The following NLRP2 variants were observed in gnomAD, a reference collection of about 807,000 sequenced individuals.
The protein encoded by NLRP2 is NLR family pyrin domain containing 2.
In NLRP2, 107 loss-of-function variants were observed where a neutral mutation model predicts 97.2. The ratio of observed to expected loss-of-function variants is 1.10; its 90% confidence interval spans 0.94 to 1.29. NLRP2 has a LOEUF of 1.29. NLRP2 is among the 50% of genes most tolerant of loss of function. The pLI, the probability that NLRP2 is intolerant of heterozygous loss-of-function variation, is 0.00. For missense variants in NLRP2, 1,495 were observed against 1,330.3 expected, an observed-to-expected ratio of 1.12 and a Z score of -1.93; for synonymous variants, 663 against 551.5, an observed-to-expected ratio of 1.20 and a Z score of -2.83.
intron 1 of NLRP2, among the ~76,000 whole-genome samples, chr19:54,968,089 C>T (rs111243127): frequency 2.8e-3 from 426 of 151,886 alleles, no homozygotes; most frequent in African/African-American, 9.8e-3. Flanking sequence ...GGCTAATTTT[C>T]GTATTTTTAG....
intron 12 of NLRP2, among the ~76,000 whole-genome samples, chr19:54,999,543 C>T (rs1439669982): frequency 6.6e-6 from 1 of 152,074 alleles, no homozygotes; most frequent in Non-Finnish European, 1.5e-5. Context: ...AGCTATAGCC[C>T]AGCTGTACTC....
intron 6 of NLRP2, among the ~76,000 whole-genome samples, chr19:54,984,329 G>GGT (rs1329961462): frequency 1.2e-3 from 94 of 79,670 alleles, no homozygotes; most frequent in Non-Finnish European, 2.0e-3. Context: ...TTTTTTTTGT[G>GGT]TTTTTTTTTT....
At chr19:54,973,207 A>T (rs886777367) in intron 2 of NLRP2, among the ~76,000 whole-genome samples, 5 of 151,216 alleles carry the variant, frequency 3.3e-5, no homozygotes, top group African/African-American at 4.8e-5. Context: ...AAAACAAACA[A>T]ACATGGTATT....
Position 55,000,902 on chromosome 19 carries a change from C to A in NLRP2, c.*4C>A, listed in dbSNP as rs772988984. On this transcript the variant is annotated 3_prime_UTR_variant, in exon 13 of 13. Coordinates refer to ENST00000448584, the MANE Select transcript of NLRP2 (RefSeq NM_017852.5). The stretch of plus-strand genomic sequence containing the variant: ...TTCTCATGACTTCATGATCTGAATC[C>A]CCCCGAGTCATTCATTCTCCATGAA... 2 of 1,613,384 alleles carry A rather than the reference C, an allele frequency of 1.2e-6. No individual in the cohort carries two copies. The highest frequency in any genetic ancestry group is 1.7e-6 in the Non-Finnish European group (2 of 1,179,532).
rs754873052 is a variant in NLRP2 at position 54,970,035 on chromosome 19, T to C, written c.20T>C (p.Met7Thr). Reference sequence around the variant, plus strand: ...GACAAGATGGTGTCTTCGGCGCAGATGGGCTTCAACCTGCAGGCTCTCCTG... The same window carrying C: ...GACAAGATGGTGTCTTCGGCGCAGACGGGCTTCAACCTGCAGGCTCTCCTG... MVSSAQ[M>T]GFNLQALLEQ... Residue 7 changes from methionine to threonine, a missense_variant, in exon 2 of 13, where the codon ATG (methionine) becomes ACG (threonine). Transcript: ENST00000448584. 1 of 1,613,888 alleles carries C rather than the reference T, an allele frequency of 6.2e-7. No homozygotes were observed. The highest frequency in any genetic ancestry group is 8.5e-7 in the Non-Finnish European group (1 of 1,180,020).
chr19:54,971,673 GT>G, intron 2 of NLRP2, among the ~76,000 whole-genome samples: 1 of 151,888 alleles, frequency 6.6e-6, no homozygotes, highest in African/African-American at 2.4e-5. Flanking sequence ...GGGGTTGTTT[GT>G]TTTTTTCTTG....
At chr19:55,000,280 T>C (rs916143361) in intron 12 of NLRP2, among the ~76,000 whole-genome samples, 3 of 37,342 alleles carry the variant, frequency 8.0e-5, no homozygotes, top group Non-Finnish European at 1.9e-4. Context: ...CTTTTTTTTT[T>C]TTTTTTTTTT....
In NLRP2 at chr19:54,970,258, A is replaced by C. The variant is rs1568463575; in HGVS notation, c.243A>C (p.Arg81=). The change falls in exon 2 of 13, where the codon CGA becomes CGC. Residue 81 remains arginine, a synonymous_variant. Coordinates refer to ENST00000448584, the MANE Select transcript of NLRP2 (RefSeq NM_017852.5). ...TCCAGGTCTTTGAAAAGATGCACCG[A>C]ATGGATCTGTCTGAGAGAGCAAAGG... ...ASLQVFEKMH[R]MDLSERAKDE... is the part of the protein sequence containing the mutation. The C allele has an allele frequency of 1.9e-6, 3 of 1,614,152 alleles. No individual in the cohort carries two copies. The highest frequency in any genetic ancestry group is 2.5e-6 in the Non-Finnish European group (3 of 1,180,030).
intron 10 of NLRP2, chr19:54,990,949 G>T: frequency 6.2e-6 from 3 of 485,394 alleles, no homozygotes; most frequent in Non-Finnish European, 1.1e-5. Flanking sequence ...ATGGGATCTC[G>T]CCGTGTTGCC....
At position 55,000,987 on chromosome 19, in the gene NLRP2, C is replaced by A; in HGVS notation, c.*89C>A. On this transcript the variant is annotated 3_prime_UTR_variant, in exon 13 of 13. Coordinates refer to ENST00000448584, the MANE Select transcript of NLRP2 (RefSeq NM_017852.5). ...TGACTCCTCTCCTCCCCGGCCCCTA[C>A]CCCTCAGGGATAATGAGTTCATTGC... 1.7e-6 allele frequency: 2 copies of A among 1,182,192 alleles called. No homozygotes were observed. Among genetic ancestry groups the A allele is most frequent in the South Asian group, 2.4e-5 (2 of 82,180 alleles). The allele number at this position is 1,182,192 out of a possible 1,614,324, so 73.2% of individuals were successfully genotyped here. A position where few individuals can be genotyped will look rare whatever the true frequency, so the allele number is the denominator to read the frequency against.
At chr19:54,989,853 G>A (rs2072339120) in intron 8 of NLRP2, 169 bp from the exon 9 acceptor site, 9 of 677,662 alleles carry the variant, frequency 1.3e-5, no homozygotes, top group Non-Finnish European at 2.1e-5. Flanking sequence ...GCATGTTGGT[G>A]CATGGTGCAT....
intron 10 of NLRP2, among the ~76,000 whole-genome samples, chr19:54,992,204 C>T (rs1248379231): frequency 6.6e-6 from 1 of 151,954 alleles, no homozygotes; most frequent in Non-Finnish European, 1.5e-5. Context: ...TGAGCCACTG[C>T]GTCCAGCCAT....
Position 54,983,136 on chromosome 19 carries a change from C to A in NLRP2, c.1438C>A (p.Leu480Ile), listed in dbSNP as rs1429726249. 6 of 1,613,850 alleles carry A rather than the reference C, an allele frequency of 3.7e-6. No homozygotes were observed. Among genetic ancestry groups the A allele is most frequent in the Non-Finnish European group, 5.1e-6 (6 of 1,179,996 alleles). The part of the protein sequence containing the change: ...LERLGVQESD[L>I]RLFLDGDILR... ...AAGGCTCGGGGTGCAGGAGTCCGACCTCCGTCTGTTCCTGGACGGAGACAT... is the reference window on the plus strand; with the variant it reads ...AAGGCTCGGGGTGCAGGAGTCCGACATCCGTCTGTTCCTGGACGGAGACAT... The change falls in exon 6 of 13, where the codon CTC (leucine) becomes ATC (isoleucine). Residue 480 changes from leucine to isoleucine, a missense_variant. Leu to Ile is a conservative substitution (Grantham distance 5, BLOSUM62 2). Transcript: ENST00000448584.
chr19:54,997,452 C>T lies in NLRP2; in HGVS notation c.3015C>T (p.Thr1005=), dbSNP rs2072896433. The T allele has an allele frequency of 1.2e-6, 2 of 1,614,084 alleles. No individual in the cohort carries two copies. The highest frequency in any genetic ancestry group is 8.5e-7 in the Non-Finnish European group (1 of 1,180,046). Reference sequence around the variant, plus strand: ...GTGGAGTGAAGATGCTGTTTGAAACCTTGACATGTTCCAGTGGCACCCTCC... The same window carrying T: ...GTGGAGTGAAGATGCTGTTTGAAACTTTGACATGTTCCAGTGGCACCCTCC... The part of the protein sequence containing the change: ...GSSGVKMLFE[T]LTCSSGTLRT... The change falls in exon 12 of 13, where the codon ACC becomes ACT. Residue 1005 remains threonine (T), a synonymous_variant. Coordinates refer to ENST00000448584, the MANE Select transcript of NLRP2 (RefSeq NM_017852.5).
At chr19:54,966,737 G>A (rs1011854627) in intron 1 of NLRP2, among the ~76,000 whole-genome samples, 4 of 151,476 alleles carry the variant, frequency 2.6e-5, no homozygotes, top group Non-Finnish European at 5.9e-5. Flanking sequence ...TAGTAGAGAC[G>A]GGGTTTCACC....
At chr19:54,974,246 C>T (rs1475266042) in intron 2 of NLRP2, 13 of 585,766 alleles carry the variant, frequency 2.2e-5, no homozygotes, top group Middle Eastern at 4.7e-4. Flanking sequence ...CCCAGCTACT[C>T]AGGAAGCTGA....
In NLRP2 at chr19:54,968,701, C is replaced by CTTTTTTT. The variant is rs61212213; in HGVS notation, c.-17-1292_-17-1286dup. Among the ~76,000 whole-genome samples the CTTTTTTT allele has an allele frequency of 1.8e-5, 2 of 114,284 alleles. 1 individual carries two copies. Among genetic ancestry groups the CTTTTTTT allele is most frequent in the African/African-American group, 7.5e-5 (2 of 26,750 alleles). 75.0% of individuals were successfully genotyped at this position (114,284 alleles called of 152,430 possible). A position where few individuals can be genotyped will look rare whatever the true frequency, so the allele number is the denominator to read the frequency against. ...CTCCACCACTAAGTTATCTTTAAGC[C>CTTTTTTT]TTTTTTTTTTTTGAGACAGTTTCAC... On this transcript the variant is annotated intron_variant, in intron 1 of 12. Transcript: ENST00000448584.
At chr19:54,985,013 C>A (rs577317383) in intron 6 of NLRP2, 34 bp from the exon 7 acceptor site, 9 of 1,608,748 alleles carry the variant, frequency 5.6e-6, no homozygotes, top group Non-Finnish European at 6.8e-6. Flanking sequence ...GATGGACACA[C>A]ATTTGGTGTA....
At chr19:54,991,698 G>C (rs1197727597) in intron 10 of NLRP2, 1 of 151,638 alleles carries the variant, frequency 6.6e-6, no homozygotes, top group African/African-American at 2.4e-5. Context: ...GTGAAACCCT[G>C]TCTCTACTAA....
Sources: gnomAD v4.1 joint callset for allele counts (sites outside exome capture counted in the v4.1 genomes callset) on GRCh38, gnomAD v4.1.1 for gene constraint, MANE v1.5 for transcripts, NCBI Gene and HGNC (gene_info 2026-07-23, HGNC 2026-07-21) for gene names.